The following LARGE1 variants were observed in gnomAD, a reference collection of about 807,000 sequenced individuals.
LARGE1 encodes the protein xylosyl- and glucuronyltransferase LARGE1.
LARGE1 carries 43 observed loss-of-function variants against 87.6 expected under a neutral mutation model. That is an observed-to-expected ratio of 0.49 (90% CI 0.38 to 0.63). LARGE1 has a LOEUF of 0.63. Among genes scored for constraint, LARGE1 ranks in the 30% least tolerant of loss-of-function variants. The pLI is 0.00. For synonymous variants in LARGE1, 434 were observed against 394.6 expected (o/e 1.10, Z -1.18); for missense variants, 802 against 1,000.2 (o/e 0.80, Z 2.67).
intron 7 of LARGE1, among the ~76,000 whole-genome samples, chr22:33,404,190 T>C (rs931970246): frequency 6.6e-6 from 1 of 152,082 alleles, no homozygotes; most frequent in African/African-American, 2.4e-5. Flanking sequence ...CGAAGACTTT[T>C]CCAAGAAGAT....
intron 6 of LARGE1, among the ~76,000 whole-genome samples, chr22:33,477,797 TC>T (rs113768090): frequency 2.0e-5 from 3 of 152,216 alleles, no homozygotes; most frequent in African/African-American, 7.2e-5. Flanking sequence ...TCTTTCGATG[TC>T]CTGCAAATTC....
chr22:33,905,402 C>T (rs1160959235), intron 1 of LARGE1, among the ~76,000 whole-genome samples: 1 of 152,070 alleles, frequency 6.6e-6, no homozygotes, highest in East Asian at 1.9e-4. Context: ...ACTTGTACTG[C>T]CGTGCCTATT....
intron 11 of LARGE1, among the ~76,000 whole-genome samples, chr22:33,239,138 A>G (rs1392742821): frequency 1.3e-5 from 2 of 151,962 alleles, no homozygotes; most frequent in South Asian, 2.1e-4. Context: ...ACAGACCTGC[A>G]TATTTTATAA....
intron 2 of LARGE1, among the ~76,000 whole-genome samples, chr22:33,681,147 C>T (rs1384850163): frequency 6.6e-6 from 1 of 152,262 alleles, no homozygotes; most frequent in Admixed American, 6.5e-5. Context: ...AATCAAATTG[C>T]ATAATTTGTA....
intron 5 of LARGE1, among the ~76,000 whole-genome samples, chr22:33,584,359 G>C (rs1010534323): frequency 1.3e-5 from 2 of 152,120 alleles, no homozygotes; most frequent in African/African-American, 4.8e-5. Context: ...CCGACTCCTG[G>C]AAATCACAGT....
intron 5 of LARGE1, among the ~76,000 whole-genome samples, chr22:33,580,072 T>C (rs115652924): frequency 0.043 from 6,573 of 152,216 alleles, 484 homozygotes; most frequent in African/African-American, 0.15. Flanking sequence ...TTTGCATCTG[T>C]AAAGCAGACA....
chr22:33,878,615 T>C (rs2064560574), intron 1 of LARGE1, among the ~76,000 whole-genome samples: 1 of 152,218 alleles, frequency 6.6e-6, no homozygotes, highest in Admixed American at 6.5e-5. Context: ...ATGATGTGCC[T>C]GAGGTCAAGC....
intron 1 of LARGE1, among the ~76,000 whole-genome samples, chr22:33,903,644 G>A (rs1157420012): frequency 6.6e-6 from 1 of 152,072 alleles, no homozygotes; most frequent in East Asian, 1.9e-4. Context: ...GGCCAACATG[G>A]TGAAACCCTG....
At chr22:33,405,157 T>C (rs2267198) in intron 7 of LARGE1, among the ~76,000 whole-genome samples, 18,157 of 152,230 alleles carry the variant, frequency 0.12, 1,918 homozygotes, top group African/African-American at 0.29. Context: ...TACAAGGACA[T>C]TGCATGATTG....
intron 2 of LARGE1, among the ~76,000 whole-genome samples, chr22:33,653,250 T>A (rs1306666504): frequency 1.3e-5 from 2 of 152,202 alleles, no homozygotes; most frequent in Non-Finnish European, 2.9e-5. Context: ...TACAATTAAG[T>A]AGTAATAGTT....
chr22:33,399,705 T>C lies in LARGE1; in HGVS notation c.893-15401A>G, dbSNP rs5998925. Among the ~76,000 whole-genome samples the C allele has an allele frequency of 8.8e-3, 1,346 of 152,192 alleles. 19 individuals carry two copies. Among genetic ancestry groups the C allele is most frequent in the African/African-American group, 0.031 (1,274 of 41,542 alleles). On this transcript the variant is annotated intron_variant, in intron 7 of 14. Transcript: ENST00000397394. ...CTGGGACTACAGGCGCCTGCCACCA[T>C]GCCCGGCTAATTTTTTGTATTTTTA...
intron 3 of LARGE1, among the ~76,000 whole-genome samples, chr22:33,639,517 C>T (rs2080366443): frequency 6.6e-6 from 1 of 152,198 alleles, no homozygotes; most frequent in South Asian, 2.1e-4. Flanking sequence ...CCTGCCTCCA[C>T]CTCATTTCAT....
chr22:33,543,808 C>T (rs148290739), intron 6 of LARGE1, among the ~76,000 whole-genome samples: 199 of 152,348 alleles, frequency 1.3e-3, no homozygotes, highest in African/African-American at 4.1e-3. Context: ...AGAGGTAACA[C>T]GGCAGGCTTG....
the LARGE1 span, among the ~76,000 whole-genome samples, chr22:33,076,171 T>C: frequency 1.3e-5 from 2 of 152,222 alleles, no homozygotes; most frequent in Non-Finnish European, 2.9e-5. Flanking sequence ...TAAGTTATAC[T>C]GTTAGGAAAT....
At chr22:33,269,857 T>C (rs1568997753), downstream of LARGE1, among the ~76,000 whole-genome samples, 1 of 151,830 alleles carries the variant, frequency 6.6e-6, no homozygotes, top group Non-Finnish European at 1.5e-5. Flanking sequence ...TACAAAAAAT[T>C]AGGTGGGCGT....
At chr22:33,435,844 T>C (rs1425852921) in intron 6 of LARGE1, among the ~76,000 whole-genome samples, 1 of 152,232 alleles carries the variant, frequency 6.6e-6, no homozygotes, top group Non-Finnish European at 1.5e-5. Flanking sequence ...AAAAAATTCC[T>C]TAATTAGCAA....
At chr22:33,592,708 A>G (rs1299984788) in intron 5 of LARGE1, among the ~76,000 whole-genome samples, 1 of 152,234 alleles carries the variant, frequency 6.6e-6, no homozygotes, top group Admixed American at 6.5e-5. Context: ...CTGCCCCTTT[A>G]TAACAATACC....
At chr22:33,461,807 A>C (rs1601944850) in intron 6 of LARGE1, among the ~76,000 whole-genome samples, 1 of 152,174 alleles carries the variant, frequency 6.6e-6, no homozygotes, top group East Asian at 1.9e-4. Flanking sequence ...TGTTGTAGGG[A>C]CACTCAGGAT....
intron 11 of LARGE1, among the ~76,000 whole-genome samples, chr22:33,208,719 C>T (rs1431213226): frequency 6.6e-6 from 1 of 152,142 alleles, no homozygotes; most frequent in Admixed American, 6.5e-5. Context: ...CTATCCCTGC[C>T]CTAACCCCCA....
Sources: allele counts gnomAD v4.1 joint callset (sites outside exome capture counted in the v4.1 genomes callset), GRCh38; gene constraint gnomAD v4.1.1; transcripts MANE v1.5; gene names NCBI Gene and HGNC (gene_info 2026-07-23, HGNC 2026-07-21).